Variants in ANO6 observed in about 807,000 individuals in gnomAD.
ANO6 encodes the protein anoctamin 6.
A neutral mutation model predicts 117.5 loss-of-function variants in ANO6; 106 were observed. That is an observed-to-expected ratio of 0.90 (90% confidence interval 0.77 to 1.06). ANO6 has a LOEUF of 1.06. Ranked by LOEUF, ANO6 falls within the 50% of genes least tolerant of loss-of-function variation. The probability of loss-of-function intolerance (pLI) is 0.00; values close to 1 mark genes in which losing one functional copy is unlikely to be tolerated. For synonymous variants in ANO6, 367 were observed against 385.1 expected, an observed-to-expected ratio of 0.95 and a Z score of 0.55; for missense variants, 955 against 1,121.1, an observed-to-expected ratio of 0.85 and a Z score of 2.12.
chr12:45,402,339 T>A (rs1403989369), intron 13 of ANO6, among the ~76,000 whole-genome samples: 2 of 152,224 alleles, frequency 1.3e-5, no homozygotes, highest in African/African-American at 4.8e-5. Flanking sequence ...ATAAGTGGAA[T>A]AGGGTCATGG....
chr12:45,357,452 T>C (rs372910619), intron 8 of ANO6, 28 bp downstream of exon 8: 12 of 1,612,496 alleles, frequency 7.4e-6, no homozygotes, highest in African/African-American at 6.7e-5. Context: ...CTTGTTGCCA[T>C]GCTGAAAAGT....
chr12:45,300,013 A>G (rs1471963660), intron 1 of ANO6, among the ~76,000 whole-genome samples: 3 of 152,136 alleles, frequency 2.0e-5, no homozygotes, highest in Admixed American at 1.3e-4. Context: ...ATTCTGCCCT[A>G]TATGAATGTT....
At chr12:45,421,645 C>T (rs895543987) in intron 18 of ANO6, among the ~76,000 whole-genome samples, 2 of 152,044 alleles carry the variant, frequency 1.3e-5, no homozygotes, top group African/African-American at 4.8e-5. Flanking sequence ...TTCAAGAGGT[C>T]CAAGAACCAA....
At chr12:45,279,819 A>G (rs1466116030) in intron 1 of ANO6, among the ~76,000 whole-genome samples, 1 of 152,274 alleles carries the variant, frequency 6.6e-6, no homozygotes, top group Non-Finnish European at 1.5e-5. Flanking sequence ...ACACCGGAAT[A>G]GGAAACAGAG....
chr12:45,280,103 A>G (rs1938674792), intron 1 of ANO6, among the ~76,000 whole-genome samples: 1 of 152,164 alleles, frequency 6.6e-6, no homozygotes. Context: ...ATAGAGGTCT[A>G]TTTTTTCCCC....
At chr12:45,408,614 T>TTCC (rs1943005727) in intron 15 of ANO6, among the ~76,000 whole-genome samples, 1 of 152,200 alleles carries the variant, frequency 6.6e-6, no homozygotes, top group African/African-American at 2.4e-5. Flanking sequence ...GGTCCTTAAA[T>TTCC]GATTCAGCTT....
In ANO6 at chr12:45,301,156, T is replaced by C. The variant is rs1592936077; in HGVS notation, c.71-858T>C. On this transcript the variant is annotated intron_variant, in intron 1 of 19. Transcript: ENST00000320560. ...GAGGTAAAATATTTCATAAATAGTTTTTACACTGATTACATGTTCAAATGA... is the reference window on the plus strand; with the variant it reads ...GAGGTAAAATATTTCATAAATAGTTCTTACACTGATTACATGTTCAAATGA... Among the ~76,000 whole-genome samples the C allele has an allele frequency of 3.9e-5, 6 of 152,332 alleles. No individual in the cohort carries two copies. The South Asian group carries it at 1.2e-3, about 32-fold the overall frequency.
At position 45,347,048 on chromosome 12, in the gene ANO6, C is replaced by A; in HGVS notation, c.306C>A (p.Asn102Lys). ...QRRKRQAYES[N>K]LICHGLQLEA... is the part of the protein sequence containing the mutation. ...GGAAAAGACAAGCATACGAATCTAA[C>A]CTTATCTGTCATGGCCTGCAGTTAG... The change falls in exon 4 of 20, where the codon AAC becomes AAA. Residue 102 changes from asparagine to lysine, a missense_variant. By Grantham distance (94) the Asn-to-Lys change is moderately conservative. Transcript: ENST00000320560. 4 of 1,614,052 alleles carry A rather than the reference C, an allele frequency of 2.5e-6. No individual in the cohort carries two copies. Among genetic ancestry groups the A allele is most frequent in the Non-Finnish European group, 3.4e-6 (4 of 1,179,956 alleles).
chr12:45,267,122 CAG>C (rs1201732612), intron 1 of ANO6, among the ~76,000 whole-genome samples: 1 of 152,146 alleles, frequency 6.6e-6, no homozygotes, highest in African/African-American at 2.4e-5. Flanking sequence ...GCTGCCATGA[CAG>C]AATACTTTAG....
At chr12:45,250,790 T>C (rs1006550042) in intron 1 of ANO6, among the ~76,000 whole-genome samples, 3 of 146,880 alleles carry the variant, frequency 2.0e-5, no homozygotes, top group African/African-American at 7.6e-5. Flanking sequence ...AAAGAGACAG[T>C]GTCTCACTAT....
In ANO6 at chr12:45,347,048, CCTT is replaced by C; in HGVS notation, c.307_309del (p.Leu103del). 1 of 1,614,052 alleles carries C rather than the reference CCTT, an allele frequency of 6.2e-7. No individual in the cohort carries two copies. Among genetic ancestry groups the C allele is most frequent in the Non-Finnish European group, 8.5e-7 (1 of 1,179,956 alleles). On this transcript the variant is annotated inframe_deletion, in exon 4 of 20. Coordinates refer to ENST00000320560, the MANE Select transcript of ANO6 (RefSeq NM_001025356.3). ...GGAAAAGACAAGCATACGAATCTAA[CCTT>C]ATCTGTCATGGCCTGCAGTTAGAAG...
At chr12:45,407,667 G>A (rs2137651367) in intron 15 of ANO6, among the ~76,000 whole-genome samples, 1 of 152,120 alleles carries the variant, frequency 6.6e-6, no homozygotes, top group Admixed American at 6.5e-5. Flanking sequence ...ACGTAATATA[G>A]GCCATATTTA....
At chr12:45,283,937 G>A (rs912374213) in intron 1 of ANO6, among the ~76,000 whole-genome samples, 1 of 152,146 alleles carries the variant, frequency 6.6e-6, no homozygotes, top group Admixed American at 6.5e-5. Flanking sequence ...GGGTGTCAAG[G>A]CCAAAGGAAA....
intron 1 of ANO6, among the ~76,000 whole-genome samples, chr12:45,216,800 G>T (rs1165834534): frequency 3.3e-5 from 5 of 152,254 alleles, no homozygotes; most frequent in African/African-American, 7.2e-5. Context: ...GAGCAGGCCC[G>T]CATTTGGAGG....
At chr12:45,324,099 G>T (rs1021575335) in intron 2 of ANO6, among the ~76,000 whole-genome samples, 1 of 151,794 alleles carries the variant, frequency 6.6e-6, no homozygotes, top group Non-Finnish European at 1.5e-5. Context: ...CACCACGCCT[G>T]GCTAATTTTG....
intron 1 of ANO6, among the ~76,000 whole-genome samples, chr12:45,269,983 A>C (rs1012802127): frequency 2.0e-5 from 3 of 151,902 alleles, no homozygotes; most frequent in African/African-American, 7.3e-5. Context: ...GCCTGAGGCC[A>C]CCTCCAGAGA....
intron 9 of ANO6, among the ~76,000 whole-genome samples, chr12:45,370,865 G>A (rs1490877114): frequency 2.6e-5 from 4 of 152,142 alleles, no homozygotes; most frequent in African/African-American, 9.7e-5. Context: ...AGCCAAGATG[G>A]CCGAATAGGA....
At chr12:45,280,475 G>A (rs1938690383) in intron 1 of ANO6, among the ~76,000 whole-genome samples, 1 of 152,190 alleles carries the variant, frequency 6.6e-6, no homozygotes, top group Non-Finnish European at 1.5e-5. Flanking sequence ...ATCTCCATCA[G>A]GCAAGGTGTA....
intron 1 of ANO6, among the ~76,000 whole-genome samples, chr12:45,238,690 C>T (rs986411724): frequency 3.3e-5 from 5 of 152,072 alleles, no homozygotes; most frequent in African/African-American, 9.7e-5. Context: ...TCATAAATAG[C>T]TCTTATTATT....
Sources: gnomAD v4.1 joint callset for allele counts (sites outside exome capture counted in the v4.1 genomes callset) on GRCh38, gnomAD v4.1.1 for gene constraint, MANE v1.5 for transcripts, NCBI Gene and HGNC (gene_info 2026-07-23, HGNC 2026-07-21) for gene names.